NR1I3: variants seen among roughly 807,000 people sequenced by gnomAD.
The protein encoded by NR1I3 is constitutive activator of retinoid response.
NR1I3 carries 30 observed loss-of-function variants against 38.4 expected under a neutral mutation model. That is an observed-to-expected ratio of 0.78 (90% confidence interval 0.58 to 1.06). The LOEUF (loss-of-function observed/expected upper bound fraction) is 1.06. Ranked by LOEUF, NR1I3 falls within the 50% of genes least tolerant of loss-of-function variation. The pLI, the probability that NR1I3 is intolerant of heterozygous loss-of-function variation, is 0.00. For missense variants in NR1I3, 388 were observed against 435.7 expected, an observed-to-expected ratio of 0.89 and a Z score of 0.97; for synonymous variants, 143 against 165.1, an observed-to-expected ratio of 0.87 and a Z score of 1.03.
chr1:161,229,877 T>C lies in NR1I3; in HGVS notation c.967A>G (p.Asn323Asp). 6.2e-7 allele frequency: 1 copy of C among 1,614,142 alleles called. No homozygotes were observed. The highest frequency in any genetic ancestry group is 2.2e-5 in the East Asian group (1 of 44,884). The change falls in exon 9 of 9, where the codon AAT becomes GAT. Residue 323 changes from asparagine (N) to aspartate (D), a missense_variant. Asn to Asp is a conservative substitution (Grantham distance 23). Transcript: ENST00000367983. ...TGGATTTGGTACCCGTAGGCCTCAT[T>C]AATGCTCCGGAGCTCAGCCAGCAGG... Reference protein sequence around the residue: ...LGLLAELRSINEAYGYQIQHI... With the variant: ...LGLLAELRSIDEAYGYQIQHI...
In NR1I3 at chr1:161,233,850, T is replaced by A. The variant is rs967907928; in HGVS notation, c.239-512A>T. ...CATCATATATATATGTGTGTGTGTG[T>A]GTGTGTGTGTGTGTGTGTGTGTGTG... On this transcript the variant is annotated intron_variant, in intron 3 of 8. Transcript: ENST00000367983. Among the ~76,000 whole-genome samples, 102 of 95,964 alleles carry A rather than the reference T, an allele frequency of 1.1e-3. No homozygotes were observed. In the East Asian group the frequency reaches 0.048, roughly 45 times the overall value. 63.0% of individuals were successfully genotyped at this position (95,964 alleles called of 152,430 possible).
intron 5 of NR1I3, among the ~76,000 whole-genome samples, chr1:161,232,020 C>T (rs534106291): frequency 6.6e-6 from 1 of 151,924 alleles, no homozygotes; most frequent in East Asian, 1.9e-4. Context: ...CAGAGTGTTG[C>T]TCTGTCACCC....
intron 3 of NR1I3, chr1:161,235,178 ATGTGGCTATCTAGGAGAAAAGCATT>A (rs1668318944): frequency 6.6e-6 from 1 of 151,048 alleles, no homozygotes; most frequent in Non-Finnish European, 1.5e-5. Context: ...AAGACTAGCC[ATGTGGCTATCTAGGAGAAAAGCATT>A]TCAGGTAGAG....
intron 5 of NR1I3, among the ~76,000 whole-genome samples, chr1:161,232,591 C>A (rs745919697): frequency 2.6e-5 from 4 of 152,208 alleles, no homozygotes; most frequent in Non-Finnish European, 5.9e-5. Context: ...AGCCACTGCG[C>A]GGCACCTCAA....
At position 161,236,131 on chromosome 1, in the gene NR1I3, C is replaced by G. The variant is rs34887199; in HGVS notation, c.108-154G>C. 8.0e-3 allele frequency: 6,563 copies of G among 823,556 alleles called. 236 individuals are homozygous for G. In the African/African-American group the frequency reaches 0.09, roughly 11 times the overall value. 51.0% of individuals were successfully genotyped at this position (823,556 alleles called of 1,614,324 possible). A position where few individuals can be genotyped will look rare whatever the true frequency, so the allele number is the denominator to read the frequency against. On this transcript the variant is annotated intron_variant, in intron 2 of 8. Transcript: ENST00000367983. The stretch of plus-strand genomic sequence containing the variant: ...GGGGTGGATAGTATCCAACACATCT[C>G]AAGCATTTCCATGGCAACACAGGAT...
Position 161,230,829 on chromosome 1 carries a change from G to T in NR1I3, c.901C>A (p.Arg301=). 2 of 1,614,072 alleles carry T rather than the reference G, an allele frequency of 1.2e-6. No homozygotes were observed. Among genetic ancestry groups the T allele is most frequent in the Non-Finnish European group, 1.7e-6 (2 of 1,180,030 alleles). The change falls in exon 8 of 9, where the codon CGA becomes AGA. Residue 301 remains arginine (R), a synonymous_variant. Transcript: ENST00000367983. Reference sequence around the variant, plus strand: ...CCACCGTACCGATCCCGGGGCCTTCGCTGCTGGCCCTTGATGTAGCTTTGC... The same window carrying T: ...CCACCGTACCGATCCCGGGGCCTTCTCTGCTGGCCCTTGATGTAGCTTTGC... ...TLQSYIKGQQ[R]RPRDRFLYAK...
intron 8 of NR1I3, chr1:161,230,523 G>A (rs1666927839): frequency 1.6e-5 from 9 of 546,818 alleles, no homozygotes; most frequent in Non-Finnish European, 2.9e-5. Flanking sequence ...GGTAATGGAT[G>A]TCATCAATCT....
chr1:161,236,642 A>T, intron 1 of NR1I3, 44 bp from the exon 2 acceptor site: 2 of 1,590,120 alleles, frequency 1.3e-6, no homozygotes, highest in Non-Finnish European at 1.7e-6. Context: ...GCCACCCTTG[A>T]CCCTTTTCTG....
At chr1:161,233,444 G>A in intron 3 of NR1I3, 106 bp from the exon 4 acceptor site, 5 of 1,135,216 alleles carry the variant, frequency 4.4e-6, no homozygotes, top group Non-Finnish European at 6.3e-6. Context: ...AACGAAGGAT[G>A]GGGGCAGTGG....
intron 5 of NR1I3, among the ~76,000 whole-genome samples, chr1:161,232,090 G>T (rs1197646181): frequency 1.3e-5 from 2 of 151,870 alleles, no homozygotes; most frequent in African/African-American, 4.8e-5. Flanking sequence ...GGGTTCAAGT[G>T]ATTCTTCTGC....
chr1:161,233,299 T>C lies in NR1I3; in HGVS notation c.278A>G (p.Lys93Arg). The stretch of plus-strand genomic sequence containing the variant: ...TTGCTGTGCCCGCCGCTGGGCCTGC[T>C]TTGCTCGCCGCAATGCCAGGGCTTC... ...SAEALALRRAKQAQRRAQQTP... is the reference protein window; with the variant it reads ...SAEALALRRARQAQRRAQQTP... The change falls in exon 4 of 9, where the codon AAG becomes AGG. Residue 93 changes from lysine to arginine, a missense_variant. By Grantham distance (26) the Lys-to-Arg change is conservative. Coordinates refer to ENST00000367983, the MANE Select transcript of NR1I3 (RefSeq NM_005122.5). The C allele has an allele frequency of 6.2e-7, 1 of 1,614,166 alleles. No homozygotes were observed. Among genetic ancestry groups the C allele is most frequent in the Non-Finnish European group, 8.5e-7 (1 of 1,180,040 alleles).
chr1:161,233,983 T>A (rs950745181), intron 3 of NR1I3, among the ~76,000 whole-genome samples: 38 of 134,490 alleles, frequency 2.8e-4, no homozygotes, highest in South Asian at 1.4e-3. Context: ...ATATATATAT[T>A]TTTTTGTTTG....
intron 3 of NR1I3, chr1:161,235,318 G>A (rs1281327285): frequency 7.5e-6 from 1 of 133,618 alleles, no homozygotes; most frequent in African/African-American, 2.8e-5. Flanking sequence ...AGGCTGGAGT[G>A]CAGTGGCGCG....
intron 1 of NR1I3, 27 bp from the exon 2 acceptor site, chr1:161,236,625 GT>G (rs1668649118): frequency 6.2e-7 from 1 of 1,605,690 alleles, no homozygotes; most frequent in Non-Finnish European, 8.5e-7. Flanking sequence ...TCAGCAGTCA[GT>G]TTTGGGCCAC....
intron 3 of NR1I3, 89 bp from the exon 4 acceptor site, chr1:161,233,427 C>T: frequency 2.1e-6 from 3 of 1,410,878 alleles, no homozygotes; most frequent in Non-Finnish European, 2.0e-6. Context: ...CCTCAGCTGC[C>T]CTGCACAACG....
chr1:161,233,235 G>T lies in NR1I3; in HGVS notation c.342C>A (p.Ile114=), dbSNP rs1558116585. The T allele has an allele frequency of 6.2e-7, 1 of 1,614,196 alleles. No homozygotes were observed. Among genetic ancestry groups the T allele is most frequent in the Non-Finnish European group, 8.5e-7 (1 of 1,180,034 alleles). The change falls in exon 4 of 9, where the codon ATC becomes ATA. Residue 114 remains isoleucine, a synonymous_variant. Transcript: ENST00000367983. The part of the protein sequence containing the change: ...VQLSKEQEEL[I]RTLLGAHTRH... ...GGGTGTGGGCCCCCAGGAGTGTCCG[G>T]ATCAGCTCTTCTTGCTCCTTACTCA... is the stretch of plus-strand genomic sequence containing the variant.
At chr1:161,233,981 A>T (rs149151778) in intron 3 of NR1I3, among the ~76,000 whole-genome samples, 2,759 of 127,126 alleles carry the variant, frequency 0.022, 37 homozygotes, top group Non-Finnish European at 0.034. Context: ...GTATATATAT[A>T]TTTTTTTGTT....
intron 8 of NR1I3, 165 bp from the exon 9 acceptor site, chr1:161,230,091 T>C (rs981502140): frequency 5.7e-5 from 45 of 795,786 alleles, no homozygotes; most frequent in Non-Finnish European, 8.8e-5. Flanking sequence ...GTTCCAAAGG[T>C]CCTCCAGGGG....
chr1:161,235,791 C>T, intron 3 of NR1I3, 56 bp downstream of exon 3: 1 of 1,610,032 alleles, frequency 6.2e-7, no homozygotes, highest in Non-Finnish European at 8.5e-7. Context: ...CTGTTGGGAA[C>T]AAGGACAAAG....
Sources: allele counts gnomAD v4.1 joint callset (sites outside exome capture counted in the v4.1 genomes callset), GRCh38; gene constraint gnomAD v4.1.1; transcripts MANE v1.5; gene names NCBI Gene and HGNC (gene_info 2026-07-23, HGNC 2026-07-21).